The following PLEKHB2 variants were observed in gnomAD, a reference collection of about 807,000 sequenced individuals.
The protein encoded by PLEKHB2 is pleckstrin homology domain-containing family B member 2.
PLEKHB2 carries 31 observed loss-of-function variants against 36.5 expected under a neutral mutation model. That is an observed-to-expected ratio of 0.85 (90% confidence interval 0.64 to 1.15). The LOEUF is 1.15. PLEKHB2 is among the 50% of genes most tolerant of loss of function. The probability of loss-of-function intolerance (pLI) is 0.00; values close to 1 mark genes in which losing one functional copy is unlikely to be tolerated. For synonymous variants in PLEKHB2, 119 were observed against 112.0 expected, an observed-to-expected ratio of 1.06 and a Z score of -0.39; for missense variants, 262 against 295.3, an observed-to-expected ratio of 0.89 and a Z score of 0.83.
At chr2:131,111,360 C>CTTTT (rs770158112) in intron 1 of PLEKHB2, among the ~76,000 whole-genome samples, 2 of 111,596 alleles carry the variant, frequency 1.8e-5, no homozygotes, top group African/African-American at 3.5e-5. Context: ...ATCTCTTGGT[C>CTTTT]TTTTTTTTTT....
chr2:131,144,961 A>G (rs1444066306), intron 7 of PLEKHB2, among the ~76,000 whole-genome samples: 1 of 152,244 alleles, frequency 6.6e-6, no homozygotes, highest in Admixed American at 6.5e-5. Context: ...AAATTTAAAC[A>G]TTGCAAAAAT....
chr2:131,113,061 G>GA (rs1405863743), intron 1 of PLEKHB2, among the ~76,000 whole-genome samples: 1 of 151,542 alleles, frequency 6.6e-6, no homozygotes. Context: ...TGAATTGCAG[G>GA]ACACCTAGTT....
chr2:131,108,461 C>A (rs1694953842), intron 1 of PLEKHB2, among the ~76,000 whole-genome samples: 1 of 152,090 alleles, frequency 6.6e-6, no homozygotes, highest in Non-Finnish European at 1.5e-5. Context: ...GTGTGAAATT[C>A]AGCATGCTAA....
chr2:131,140,026 G>A, intron 6 of PLEKHB2, 141 bp from the exon 7 acceptor site: 3 of 579,112 alleles, frequency 5.2e-6, no homozygotes, highest in Non-Finnish European at 9.2e-6. Flanking sequence ...AAAACGGGGG[G>A]CCTAACCACA....
chr2:131,135,610 GT>G (rs879940375), intron 6 of PLEKHB2, among the ~76,000 whole-genome samples: 2 of 150,252 alleles, frequency 1.3e-5, no homozygotes, highest in African/African-American at 2.5e-5. Flanking sequence ...TGTATTCAGT[GT>G]TTTTTTTTGA....
At chr2:131,143,541 T>G (rs75341804) in intron 7 of PLEKHB2, among the ~76,000 whole-genome samples, 2,771 of 152,324 alleles carry the variant, frequency 0.018, 48 homozygotes, top group African/African-American at 0.048. Context: ...TTTGCCAAGT[T>G]GATCCCAGAA....
chr2:131,111,380 G>A (rs148742665), intron 1 of PLEKHB2, among the ~76,000 whole-genome samples: 3,082 of 128,824 alleles, frequency 0.024, 114 homozygotes, highest in African/African-American at 0.085. Flanking sequence ...TTTTTTTTTA[G>A]CTCTTCATTT....
chr2:131,141,581 A>G (rs1698789364), intron 7 of PLEKHB2, among the ~76,000 whole-genome samples: 1 of 149,706 alleles, frequency 6.7e-6, no homozygotes, highest in Non-Finnish European at 1.5e-5. Context: ...CGGAGCTTGC[A>G]GTGAGCCGAC....
chr2:131,107,509 C>A (rs1694857358), intron 1 of PLEKHB2: 1 of 152,210 alleles, frequency 6.6e-6, no homozygotes, highest in Non-Finnish European at 1.5e-5. Context: ...CCTTGAAGAA[C>A]AGAGATGAGT....
intron 7 of PLEKHB2, among the ~76,000 whole-genome samples, chr2:131,143,751 G>T (rs1211058826): frequency 6.6e-6 from 1 of 152,198 alleles, no homozygotes; most frequent in African/African-American, 2.4e-5. Flanking sequence ...CCATGGGATG[G>T]AGAGTTTTAA....
At chr2:131,111,696 G>T (rs1448711210) in intron 1 of PLEKHB2, among the ~76,000 whole-genome samples, 1 of 151,746 alleles carries the variant, frequency 6.6e-6, no homozygotes, top group Non-Finnish European at 1.5e-5. Context: ...TCACCATGTT[G>T]GCCAGGCTGG....
rs555757313 is a variant in PLEKHB2 at position 131,149,409 on chromosome 2, A to T, written c.*2636A>T. On this transcript the variant is annotated 3_prime_UTR_variant, in exon 8 of 8. Coordinates refer to ENST00000693505, the MANE Select transcript of PLEKHB2 (RefSeq NM_001100623.2). Reference sequence around the variant, plus strand: ...CTTGAAGAAGTTGGCCAATGATATTATATACATGCTGATCTGATTGTTCTT... The same window carrying T: ...CTTGAAGAAGTTGGCCAATGATATTTTATACATGCTGATCTGATTGTTCTT... 6.6e-6 allele frequency: 1 copy of T among 152,368 alleles called. No individual in the cohort carries two copies. Among genetic ancestry groups the T allele is most frequent in the Middle Eastern group, 3.4e-3 (1 of 294 alleles). 9.4% of individuals were successfully genotyped at this position (152,368 alleles called of 1,614,324 possible). A position where few individuals can be genotyped will look rare whatever the true frequency, so the allele number is the denominator to read the frequency against.
intron 1 of PLEKHB2, among the ~76,000 whole-genome samples, chr2:131,106,905 C>T (rs1460683159): frequency 1.3e-5 from 2 of 152,280 alleles, no homozygotes. Context: ...CGGTTCTTTG[C>T]TAGCATTATA....
chr2:131,126,728 A>T lies in PLEKHB2; in HGVS notation c.235A>T (p.Ile79Phe), dbSNP rs1257556402. 6.2e-7 allele frequency: 1 copy of T among 1,612,222 alleles called. No homozygotes were observed. The highest frequency in any genetic ancestry group is 8.5e-7 in the Non-Finnish European group (1 of 1,178,324). ...DGKSKDCMLQIVCRDGKTISL... is the reference protein window; with the variant it reads ...DGKSKDCMLQFVCRDGKTISL... ...AAAGTCAAAAGACTGCATGCTCCAG[A>T]TTGTTTGTCGAGATGGGAAAACAAT... Residue 79 changes from isoleucine (I) to phenylalanine (F), a missense_variant, in exon 4 of 8, where the codon ATT (isoleucine) becomes TTT (phenylalanine). Transcript: ENST00000693505.
At position 131,130,047 on chromosome 2, in the gene PLEKHB2, T is replaced by C; in HGVS notation, c.294-674T>C. Among the ~76,000 whole-genome samples, 2 of 151,652 alleles carry C rather than the reference T, an allele frequency of 1.3e-5. 1 individual carries two copies. Among genetic ancestry groups the C allele is most frequent in the Non-Finnish European group, 2.9e-5 (2 of 67,976 alleles). ...AGGGATGTTAATAGCATTCTTTTCT[T>C]CTTTTTTTTTTCTTGAGATAGAGCC... is the stretch of plus-strand genomic sequence containing the variant. On this transcript the variant is annotated intron_variant, in intron 4 of 7. Transcript: ENST00000693505.
At position 131,146,666 on chromosome 2, in the gene PLEKHB2, G is replaced by C. The variant is rs1387791618; in HGVS notation, c.562G>C (p.Val188Leu). The C allele has an allele frequency of 5.0e-6, 8 of 1,613,674 alleles. No individual in the cohort carries two copies. The change falls in exon 8 of 8, where the codon GTC becomes CTC. Residue 188 changes from valine (V) to leucine (L), a missense_variant. Coordinates refer to ENST00000693505, the MANE Select transcript of PLEKHB2 (RefSeq NM_001100623.2). ...TTATGGACAGCAGCCTGCTAACCAA[G>C]TCATCATTCGAGAGCGCTATCGAGA... is the stretch of plus-strand genomic sequence containing the variant. ...GLYGQQPANQ[V>L]IIRERYRDND...
intron 1 of PLEKHB2, 54 bp from the exon 2 acceptor site, chr2:131,120,880 C>G (rs1696440252): frequency 3.9e-6 from 6 of 1,554,700 alleles, no homozygotes; most frequent in Middle Eastern, 1.7e-4. Flanking sequence ...TCGGGCCGGA[C>G]AGGCTATTCT....
At chr2:131,109,719 A>G (rs1695098103) in intron 1 of PLEKHB2, among the ~76,000 whole-genome samples, 1 of 151,898 alleles carries the variant, frequency 6.6e-6, no homozygotes, top group Non-Finnish European at 1.5e-5. Flanking sequence ...AAACAACCAA[A>G]TAGTGCTTTA....
chr2:131,133,540 T>G (rs1697933543), intron 6 of PLEKHB2, among the ~76,000 whole-genome samples: 1 of 152,238 alleles, frequency 6.6e-6, no homozygotes, highest in Non-Finnish European at 1.5e-5. Context: ...GTTTTCCCCA[T>G]TTGTTAATAT....
Sources: gnomAD v4.1 joint callset for allele counts (sites outside exome capture counted in the v4.1 genomes callset) on GRCh38, gnomAD v4.1.1 for gene constraint, MANE v1.5 for transcripts, NCBI Gene and HGNC (gene_info 2026-07-23, HGNC 2026-07-21) for gene names.